DPYD: variants seen among roughly 807,000 people sequenced by gnomAD.
The protein encoded by DPYD is dihydropyrimidine dehydrogenase [NADP(+)].
DPYD carries 109 observed loss-of-function variants against 116.2 expected under a neutral mutation model. The ratio of observed to expected loss-of-function variants is 0.94; its 90% CI spans 0.80 to 1.10. DPYD has a LOEUF of 1.10. Among genes scored for constraint, DPYD ranks in the 50% least tolerant of loss-of-function variants. The probability of loss-of-function intolerance (pLI) is 0.00; values close to 1 mark genes in which losing one functional copy is unlikely to be tolerated. For missense variants in DPYD, 1,302 were observed against 1,254.5 expected, an observed-to-expected ratio of 1.04 and a Z score of -0.57; for synonymous variants, 440 against 432.0, an observed-to-expected ratio of 1.02 and a Z score of -0.23.
intron 3 of DPYD, among the ~76,000 whole-genome samples, chr1:97,813,239 GA>G: frequency 6.6e-6 from 1 of 151,558 alleles, no homozygotes; most frequent in East Asian, 1.9e-4. Flanking sequence ...CTACTAAAAA[GA>G]AAAAAAATCT....
intron 19 of DPYD, among the ~76,000 whole-genome samples, chr1:97,225,053 CT>C (rs1283153750): frequency 2.0e-5 from 3 of 149,492 alleles, no homozygotes; most frequent in Non-Finnish European, 4.5e-5. Context: ...ATCTATCTAT[CT>C]ATCTGTCTAT....
rs748320430 is a variant in DPYD at position 97,721,607 on chromosome 1, A to C, written c.386T>G (p.Val129Gly). The C allele has an allele frequency of 7.4e-6, 12 of 1,611,780 alleles. No individual in the cohort carries two copies. The highest frequency in any genetic ancestry group is 5.5e-5 in the South Asian group (5 of 91,034). ...DNPLGLTCGM[V>G]CPTSDLCVGG... The stretch of plus-strand genomic sequence containing the variant: ...TACACAAAGATCAGAGGTTGGACAT[A>C]CCATTCCACAAGTCAGACCAAGTGG... Residue 129 changes from valine to glycine, a missense_variant, in exon 5 of 23, where the codon GTA (valine) becomes GGA (glycine). Coordinates refer to ENST00000370192, the MANE Select transcript of DPYD (RefSeq NM_000110.4).
At chr1:97,874,018 G>T (rs771141328) in intron 2 of DPYD, among the ~76,000 whole-genome samples, 3 of 151,890 alleles carry the variant, frequency 2.0e-5, no homozygotes, top group Non-Finnish European at 4.4e-5. Flanking sequence ...AGGAGTAAAT[G>T]CATGAAGTAA....
At chr1:97,392,019 T>TA (rs1672735865) in intron 14 of DPYD, among the ~76,000 whole-genome samples, 1 of 151,784 alleles carries the variant, frequency 6.6e-6, no homozygotes, top group African/African-American at 2.4e-5. Context: ...AAAGAAAGGG[T>TA]AATCATTTGT....
Position 97,883,315 on chromosome 1 carries a change from G to A in DPYD, c.99C>T (p.Ala33=). 1 of 1,612,790 alleles carries A rather than the reference G, an allele frequency of 6.2e-7. No homozygotes were observed. The highest frequency in any genetic ancestry group is 1.1e-5 in the South Asian group (1 of 91,044). ...QTHATLCSTS[A]KKLDKKHWKR... is the part of the protein sequence containing the mutation. Reference sequence around the variant, plus strand: ...TCCAATGTTTCTTGTCTAATTTCTTGGCCGAAGTGGAACACAGAGTTGCAT... The same window carrying A: ...TCCAATGTTTCTTGTCTAATTTCTTAGCCGAAGTGGAACACAGAGTTGCAT... Residue 33 remains alanine, a synonymous_variant, in exon 2 of 23, where the codon GCC becomes GCT. Coordinates refer to ENST00000370192, the MANE Select transcript of DPYD (RefSeq NM_000110.4).
intron 20 of DPYD, among the ~76,000 whole-genome samples, chr1:97,183,834 G>C: frequency 6.6e-6 from 1 of 152,012 alleles, no homozygotes; most frequent in East Asian, 1.9e-4. Flanking sequence ...TGTCATGGGG[G>C]TTCATTATAC....
chr1:97,199,156 C>A (rs987982404), intron 19 of DPYD, among the ~76,000 whole-genome samples: 17 of 152,142 alleles, frequency 1.1e-4, no homozygotes, highest in African/African-American at 3.9e-4. Context: ...AGATTTACGT[C>A]TTCAAAATCT....
chr1:97,655,936 T>C (rs539631356), intron 8 of DPYD, among the ~76,000 whole-genome samples: 1 of 152,172 alleles, frequency 6.6e-6, no homozygotes, highest in Non-Finnish European at 1.5e-5. Context: ...AAGGACACAC[T>C]TTACTTTTTA....
intron 3 of DPYD, among the ~76,000 whole-genome samples, chr1:97,819,591 T>C (rs181652746): frequency 3.9e-5 from 6 of 152,194 alleles, no homozygotes; most frequent in Admixed American, 3.9e-4. Context: ...AAGTATTTTG[T>C]TAATACTTTC....
At chr1:97,902,595 T>C (rs1475009729) in intron 1 of DPYD, among the ~76,000 whole-genome samples, 1 of 151,858 alleles carries the variant, frequency 6.6e-6, no homozygotes, top group East Asian at 1.9e-4. Context: ...ATATGTAAAT[T>C]ATCACCATCA....
At chr1:97,469,686 C>T (rs370948065) in intron 13 of DPYD, among the ~76,000 whole-genome samples, 1 of 152,194 alleles carries the variant, frequency 6.6e-6, no homozygotes, top group South Asian at 2.1e-4. Context: ...AACCATAACA[C>T]CATATTATGA....
At position 97,261,973 on chromosome 1, in the gene DPYD, C is replaced by A. The variant is rs143470736; in HGVS notation, c.2300-26979G>T. ...TGATTTCTCCTGCTATTCCTACTGC[C>A]TGAATTTTTTTTTGTTTTTGTCTTC... On this transcript the variant is annotated intron_variant, in intron 18 of 22. Coordinates refer to ENST00000370192, the MANE Select transcript of DPYD (RefSeq NM_000110.4). 4.0e-3 allele frequency among the ~76,000 whole-genome samples: 603 copies of A among 152,018 alleles called. 3 individuals carry two copies. Among genetic ancestry groups the A allele is most frequent in the African/African-American group, 0.014 (583 of 41,504 alleles).
chr1:97,346,607 T>C (rs1240188083), intron 16 of DPYD, among the ~76,000 whole-genome samples: 1 of 151,880 alleles, frequency 6.6e-6, no homozygotes, highest in Non-Finnish European at 1.5e-5. Context: ...TTTGAAACAT[T>C]TACCGTACTG....
chr1:97,433,525 G>C (rs1675296207), intron 14 of DPYD, among the ~76,000 whole-genome samples: 1 of 152,076 alleles, frequency 6.6e-6, no homozygotes, highest in Non-Finnish European at 1.5e-5. Flanking sequence ...TCAGATTTTA[G>C]GTAAGTTTTT....
intron 8 of DPYD, among the ~76,000 whole-genome samples, chr1:97,601,707 TTGA>T (rs1655258555): frequency 6.6e-6 from 1 of 152,020 alleles, no homozygotes; most frequent in South Asian, 2.1e-4. Flanking sequence ...GATCTATATA[TTGA>T]TGAGAAAGAG....
intron 8 of DPYD, among the ~76,000 whole-genome samples, chr1:97,661,877 T>A (rs1049651532): frequency 6.6e-6 from 1 of 151,992 alleles, no homozygotes; most frequent in Non-Finnish European, 1.5e-5. Flanking sequence ...TTTTTAAATA[T>A]GTATATACAT....
chr1:97,312,488 C>T (rs973003901), intron 16 of DPYD, among the ~76,000 whole-genome samples: 1 of 151,380 alleles, frequency 6.6e-6, no homozygotes, highest in Non-Finnish European at 1.5e-5. Context: ...GCATTGTTTG[C>T]AGTAGTGGAA....
rs1663458330 is a variant in DPYD, at chr1:97,729,377, T to C, written c.322-7706A>G. 2.0e-5 allele frequency among the ~76,000 whole-genome samples: 3 copies of C among 152,170 alleles called. No individual in the cohort carries two copies. In the South Asian group the frequency reaches 6.2e-4, roughly 31 times the overall value. Reference sequence around the variant, plus strand: ...TTCTTCGTCAGGCATATTTATATTATGCATTTTTTAACTGTGCATGGATAA... The same window carrying C: ...TTCTTCGTCAGGCATATTTATATTACGCATTTTTTAACTGTGCATGGATAA... On this transcript the variant is annotated intron_variant, in intron 4 of 22. Coordinates refer to ENST00000370192, the MANE Select transcript of DPYD (RefSeq NM_000110.4).
intron 8 of DPYD, among the ~76,000 whole-genome samples, chr1:97,643,237 A>T (rs1184074884): frequency 6.6e-6 from 1 of 152,210 alleles, no homozygotes; most frequent in African/African-American, 2.4e-5. Flanking sequence ...CAAATTTATA[A>T]GAAATAAGCA....
Sources: allele counts gnomAD v4.1 joint callset (sites outside exome capture counted in the v4.1 genomes callset), GRCh38; gene constraint gnomAD v4.1.1; transcripts MANE v1.5; gene names NCBI Gene and HGNC (gene_info 2026-07-23, HGNC 2026-07-21).